ABCB5: variants seen among roughly 807,000 people sequenced by gnomAD.
ABCB5 encodes the protein ATP-binding cassette sub-family B member 5.
A neutral mutation model predicts 144.2 loss-of-function variants in ABCB5; 155 were observed. That is an observed-to-expected ratio of 1.08 (90% CI 0.94 to 1.23). The LOEUF (loss-of-function observed/expected upper bound fraction) is 1.23. Among genes scored for constraint, ABCB5 ranks in the 50% most tolerant of loss-of-function variants. The pLI is 0.00. For synonymous variants in ABCB5, 610 were observed against 528.6 expected (o/e 1.15, Z -2.11); for missense variants, 1,830 against 1,520.8 (o/e 1.20, Z -3.38).
rs751840843 is a variant in ABCB5 at position 20,648,083 on chromosome 7, G to T, written c.1206+5G>T. On this transcript the variant is annotated splice_donor_5th_base_variant and intron_variant, in intron 11 of 27. Coordinates refer to ENST00000404938, the MANE Select transcript of ABCB5 (RefSeq NM_001163941.2). ...CCATCAAGACCATCTATCAAGGTAG[G>T]TTAAAACAAATTACGCAATTGTGCA... The T allele has an allele frequency of 4.6e-5, 70 of 1,538,008 alleles. No homozygotes were observed. The highest frequency in any genetic ancestry group is 5.6e-5 in the Non-Finnish European group (62 of 1,114,480).
intron 20 of ABCB5, among the ~76,000 whole-genome samples, chr7:20,712,087 A>T (rs558060409): frequency 7.0e-6 from 1 of 142,064 alleles, no homozygotes; most frequent in South Asian, 2.3e-4. Flanking sequence ...AAAAATACAA[A>T]AACATTAGCC....
chr7:20,655,489 GC>G (rs1248224695), intron 13 of ABCB5, among the ~76,000 whole-genome samples: 1 of 141,488 alleles, frequency 7.1e-6, no homozygotes, highest in African/African-American at 2.6e-5. Context: ...CCTCCCCCCA[GC>G]CCCCCAAAAA....
At chr7:20,682,370 A>G (rs1785857985) in intron 15 of ABCB5, among the ~76,000 whole-genome samples, 1 of 152,208 alleles carries the variant, frequency 6.6e-6, no homozygotes, top group Non-Finnish European at 1.5e-5. Context: ...TTGTAAAAAG[A>G]AAAAGCAAGA....
Position 20,711,219 on chromosome 7 carries a change from T to C in ABCB5, c.2421+6412T>C, listed in dbSNP as rs758208700. ...AATAAATATGTAAAGTCCTATGTAT[T>C]TACTCACGTAGCTAACATTTCTGGT... On this transcript the variant is annotated intron_variant, in intron 20 of 27. Coordinates refer to ENST00000404938, the MANE Select transcript of ABCB5 (RefSeq NM_001163941.2). Among the ~76,000 whole-genome samples the C allele has an allele frequency of 8.7e-5, 13 of 149,558 alleles. 2 individuals carry two copies. Among genetic ancestry groups the C allele is most frequent in the Admixed American group, 1.3e-4 (2 of 15,006 alleles).
At chr7:20,723,248 A>T (rs780403433) in intron 21 of ABCB5, 29 bp downstream of exon 21, 1 of 1,605,808 alleles carries the variant, frequency 6.2e-7, no homozygotes, top group South Asian at 1.1e-5. Flanking sequence ...TCACCATCGT[A>T]ACATTTAAAG....
intron 16 of ABCB5, among the ~76,000 whole-genome samples, chr7:20,690,070 C>T (rs916463502): frequency 6.6e-6 from 1 of 152,292 alleles, no homozygotes. Flanking sequence ...AACAGTGGTT[C>T]ATGACCTATA....
intron 14 of ABCB5, among the ~76,000 whole-genome samples, chr7:20,679,127 C>T (rs371694123): frequency 6.6e-6 from 1 of 151,970 alleles, no homozygotes; most frequent in Non-Finnish European, 1.5e-5. Context: ...ATAAATTGGA[C>T]TTCATTAAAA....
At position 20,658,581 on chromosome 7, in the gene ABCB5, G is replaced by A. The variant is rs1383994402; in HGVS notation, c.1612G>A (p.Ala538Thr). The stretch of plus-strand genomic sequence containing the variant: ...GAAACAGAGGATCGCAATTGCTCGT[G>A]CCTTAGTTCGAAACCCCAAGATTCT... ...GQKQRIAIAR[A>T]LVRNPKILIL... Residue 538 changes from alanine to threonine, a missense_variant, in exon 14 of 28, where the codon GCC becomes ACC. Physicochemically the swap from Ala to Thr is moderately conservative, Grantham distance 58. Coordinates refer to ENST00000404938, the MANE Select transcript of ABCB5 (RefSeq NM_001163941.2). 1 of 1,614,160 alleles carries A rather than the reference G, an allele frequency of 6.2e-7. No individual in the cohort carries two copies. Among genetic ancestry groups the A allele is most frequent in the Non-Finnish European group, 8.5e-7 (1 of 1,180,022 alleles).
chr7:20,664,827 A>C (rs960030768), intron 14 of ABCB5, among the ~76,000 whole-genome samples: 2 of 152,180 alleles, frequency 1.3e-5, no homozygotes, highest in Non-Finnish European at 2.9e-5. Context: ...GTGGTGGCTC[A>C]CACTGTAATC....
chr7:20,733,135 T>C (rs960123831), intron 23 of ABCB5, among the ~76,000 whole-genome samples: 2 of 152,158 alleles, frequency 1.3e-5, no homozygotes, highest in African/African-American at 4.8e-5. Flanking sequence ...AGAGCACAGA[T>C]TCAAGTTCAT....
chr7:20,663,225 T>C (rs1439335212), intron 14 of ABCB5, among the ~76,000 whole-genome samples: 2 of 152,204 alleles, frequency 1.3e-5, no homozygotes, highest in African/African-American at 2.4e-5. Context: ...CATAGAATTA[T>C]CAAATTTCAC....
At chr7:20,688,995 A>G (rs979126572) in intron 16 of ABCB5, among the ~76,000 whole-genome samples, 1 of 152,218 alleles carries the variant, frequency 6.6e-6, no homozygotes, top group East Asian at 1.9e-4. Context: ...GAGGGATAGC[A>G]TTAGGAGATA....
At chr7:20,723,917 T>C (rs931682801) in intron 21 of ABCB5, among the ~76,000 whole-genome samples, 3 of 152,208 alleles carry the variant, frequency 2.0e-5, no homozygotes, top group Non-Finnish European at 4.4e-5. Flanking sequence ...GTATTTAAGC[T>C]TCTTAGGATC....
Position 20,755,647 on chromosome 7 carries a change from T to C in ABCB5, c.*23T>C, listed in dbSNP as rs1783068146. On this transcript the variant is annotated 3_prime_UTR_variant, in exon 28 of 28. Transcript: ENST00000404938. ...TGATGCTGTTGAGGTAGCACATATT[T>C]TGATGTTCGTGTAATGCAAAGAAGG... 1.9e-6 allele frequency: 3 copies of C among 1,609,104 alleles called. 1 individual carries two copies. In the Admixed American group the frequency reaches 5.0e-5, roughly 27 times the overall value.
At position 20,646,083 on chromosome 7, in the gene ABCB5, G is replaced by C. The variant is rs1158655846; in HGVS notation, c.926G>C (p.Gly309Ala). The C allele has an allele frequency of 6.2e-7, 1 of 1,613,596 alleles. No individual in the cohort carries two copies. Among genetic ancestry groups the C allele is most frequent in the Non-Finnish European group, 8.5e-7 (1 of 1,179,756 alleles). The change falls in exon 9 of 28, where the codon GGA (glycine) becomes GCA (alanine). Residue 309 changes from glycine to alanine, a missense_variant. Transcript: ENST00000404938. The part of the protein sequence containing the change: ...NGTYGLAFWY[G>A]TSLILNGEPG... The stretch of plus-strand genomic sequence containing the variant: ...ACCTATGGACTTGCTTTTTGGTATG[G>C]AACCTCCTTGATTCTTAATGGAGAA...
chr7:20,728,165 A>T, intron 22 of ABCB5, 150 bp from the exon 23 acceptor site: 1 of 955,616 alleles, frequency 1.0e-6, no homozygotes, highest in Non-Finnish European at 1.5e-6. Context: ...TAGTAAAAAA[A>T]AAAAAATCAC....
chr7:20,682,003 G>A (rs1404748937), intron 15 of ABCB5, among the ~76,000 whole-genome samples: 1 of 152,020 alleles, frequency 6.6e-6, no homozygotes, highest in African/African-American at 2.4e-5. Context: ...TCAGGAGATC[G>A]AGACCATGCT....
intron 7 of ABCB5, among the ~76,000 whole-genome samples, chr7:20,644,331 G>A (rs1352343358): frequency 2.7e-5 from 4 of 150,724 alleles, no homozygotes; most frequent in African/African-American, 1.0e-4. Context: ...CGCCCACCTC[G>A]GCCCCACAAA....
At chr7:20,755,242 C>A (rs1167319130) in intron 27 of ABCB5, among the ~76,000 whole-genome samples, 185 bp from the exon 28 acceptor site, 2 of 152,216 alleles carry the variant, frequency 1.3e-5, no homozygotes. Context: ...AGCCAATGTG[C>A]CCAGCTGTAG....
Sources: gnomAD v4.1 joint callset for allele counts (sites outside exome capture counted in the v4.1 genomes callset) on GRCh38, gnomAD v4.1.1 for gene constraint, MANE v1.5 for transcripts, NCBI Gene and HGNC (gene_info 2026-07-23, HGNC 2026-07-21) for gene names.